Variants in RALGAPA1 observed in about 807,000 individuals in gnomAD.
RALGAPA1 encodes ral GTPase-activating protein subunit alpha-1.
In RALGAPA1, 52 loss-of-function variants were observed where a neutral mutation model predicts 269.6. The ratio of observed to expected loss-of-function variants is 0.19; its 90% CI spans 0.15 to 0.24. The LOEUF is 0.24. Among genes scored for constraint, RALGAPA1 ranks in the 10% least tolerant of loss-of-function variants. The probability of loss-of-function intolerance (pLI) is 1.00; values close to 1 mark genes in which losing one functional copy is unlikely to be tolerated. For missense variants in RALGAPA1, 1,917 were observed against 3,013.9 expected, an observed-to-expected ratio of 0.64 and a Z score of 8.52; for synonymous variants, 817 against 1,008.3, an observed-to-expected ratio of 0.81 and a Z score of 3.60.
At chr14:35,569,976 T>C (rs2057041153) in intron 39 of RALGAPA1, among the ~76,000 whole-genome samples, 1 of 151,920 alleles carries the variant, frequency 6.6e-6, no homozygotes, top group Admixed American at 6.6e-5. Flanking sequence ...TGATTAAAAG[T>C]ATATAAAAGA....
rs1801300428 is a variant in RALGAPA1, at chr14:35,742,572, A to G, written c.1252-7T>C. 6.3e-7 allele frequency: 1 copy of G among 1,585,266 alleles called. No individual in the cohort carries two copies. Among genetic ancestry groups the G allele is most frequent in the African/African-American group, 1.3e-5 (1 of 74,188 alleles). ...AAATTGGTAATAAAAATGCCTAGGG[A>G]AAAAAAGGAGAATCAAGATAATGAT... is the stretch of plus-strand genomic sequence containing the variant. On this transcript the variant is annotated splice_region_variant and splice_polypyrimidine_tract_variant and intron_variant, in intron 10 of 41. Coordinates refer to ENST00000680220, the MANE Select transcript of RALGAPA1 (RefSeq NM_001346249.2).
intron 3 of RALGAPA1, among the ~76,000 whole-genome samples, chr14:35,774,519 T>G (rs1307010165): frequency 6.6e-6 from 1 of 152,138 alleles, no homozygotes; most frequent in Non-Finnish European, 1.5e-5. Context: ...CTTTTATTTA[T>G]AAAGACTTGC....
chr14:35,736,398 T>C (rs569390365), intron 12 of RALGAPA1, among the ~76,000 whole-genome samples: 1 of 152,284 alleles, frequency 6.6e-6, no homozygotes, highest in Non-Finnish European at 1.5e-5. Flanking sequence ...CATATAAAAA[T>C]CTGAAGCTGT....
intron 6 of RALGAPA1, among the ~76,000 whole-genome samples, chr14:35,758,521 A>G (rs1358145696): frequency 6.6e-6 from 1 of 152,106 alleles, no homozygotes; most frequent in Non-Finnish European, 1.5e-5. Context: ...AAGGGGCAGA[A>G]GTCAGTCACA....
chr14:35,676,312 A>C (rs188260298), intron 22 of RALGAPA1: 41 of 152,336 alleles, frequency 2.7e-4, no homozygotes, highest in African/African-American at 9.4e-4. Flanking sequence ...CCCAGGTTTA[A>C]GTAATTTTCC....
At chr14:35,768,109 G>A (rs920759488) in intron 4 of RALGAPA1, among the ~76,000 whole-genome samples, 2 of 152,030 alleles carry the variant, frequency 1.3e-5, no homozygotes, top group African/African-American at 2.4e-5. Flanking sequence ...GTCTCATTCT[G>A]TCACCCCAAT....
chr14:35,799,331 G>A (rs2076806627), intron 1 of RALGAPA1, among the ~76,000 whole-genome samples: 1 of 152,128 alleles, frequency 6.6e-6, no homozygotes. Flanking sequence ...GGAGGCTGAG[G>A]CAGGTGGATC....
intron 1 of RALGAPA1, among the ~76,000 whole-genome samples, chr14:35,801,681 A>G (rs1019762096): frequency 1.3e-5 from 2 of 152,212 alleles, no homozygotes; most frequent in East Asian, 1.9e-4. Context: ...CAGAAAAAGC[A>G]TTCAATAAAT....
At chr14:35,626,111 G>C (rs1027636967) in intron 34 of RALGAPA1, among the ~76,000 whole-genome samples, 3 of 152,102 alleles carry the variant, frequency 2.0e-5, no homozygotes, top group Admixed American at 1.3e-4. Flanking sequence ...CTGTTCCTGA[G>C]ATATAACATT....
At chr14:35,679,632 A>T (rs1595108120) in intron 21 of RALGAPA1, among the ~76,000 whole-genome samples, 1 of 152,222 alleles carries the variant, frequency 6.6e-6, no homozygotes, top group African/African-American at 2.4e-5. Context: ...ACTGAATGAG[A>T]ATTGCTTTCA....
intron 35 of RALGAPA1, among the ~76,000 whole-genome samples, chr14:35,607,146 G>A (rs886906262): frequency 2.6e-5 from 4 of 152,136 alleles, no homozygotes; most frequent in African/African-American, 9.7e-5. Flanking sequence ...AAGTCATAGA[G>A]CAAACAGGGA....
In RALGAPA1 at chr14:35,541,883, C is replaced by G. The variant is rs1286638953; in HGVS notation, c.*24-2193G>C. ...GAAGATAGATAACAGATATGAGAGA[C>G]ACAGTGCAGAATTTTCTAGGTGTTA... On this transcript the variant is annotated intron_variant, in intron 41 of 41. Transcript: ENST00000680220. 9 of 481,628 alleles carry G rather than the reference C, an allele frequency of 1.9e-5. No homozygotes were observed. In the Admixed American group the frequency reaches 1.9e-4, roughly 10 times the overall value. 29.8% of individuals were successfully genotyped at this position (481,628 alleles called of 1,614,324 possible). A position where few individuals can be genotyped will look rare whatever the true frequency, so the allele number is the denominator to read the frequency against.
intron 35 of RALGAPA1, among the ~76,000 whole-genome samples, chr14:35,611,046 C>T (rs1040115227): frequency 3.9e-5 from 6 of 152,072 alleles, no homozygotes; most frequent in African/African-American, 1.4e-4. Flanking sequence ...GATAGCATCC[C>T]CCAAACTGAT....
chr14:35,606,587 A>G (rs945076037), intron 35 of RALGAPA1, among the ~76,000 whole-genome samples: 7 of 152,202 alleles, frequency 4.6e-5, no homozygotes, highest in Admixed American at 3.9e-4. Context: ...CCTCTCTAAA[A>G]TTAAAAATGT....
intron 29 of RALGAPA1, among the ~76,000 whole-genome samples, chr14:35,655,064 T>C (rs1032939122): frequency 3.3e-5 from 5 of 152,210 alleles, no homozygotes; most frequent in African/African-American, 1.2e-4. Context: ...CTCAGGTTTT[T>C]ATGTTTTATT....
At chr14:35,625,870 A>T (rs1475497518) in intron 34 of RALGAPA1, among the ~76,000 whole-genome samples, 1 of 152,220 alleles carries the variant, frequency 6.6e-6, no homozygotes, top group African/African-American at 2.4e-5. Context: ...TAATTTTTAG[A>T]CTACAAAGCA....
intron 1 of RALGAPA1, among the ~76,000 whole-genome samples, chr14:35,790,863 C>T (rs967194906): frequency 2.6e-5 from 4 of 152,014 alleles, no homozygotes; most frequent in South Asian, 2.1e-4. Context: ...AAAGGGTAAT[C>T]GCTTAAATGG....
chr14:35,666,857 AC>A (rs1435216644), intron 26 of RALGAPA1, among the ~76,000 whole-genome samples: 1 of 152,182 alleles, frequency 6.6e-6, no homozygotes, highest in African/African-American at 2.4e-5. Context: ...CATCTGGAAT[AC>A]CCCATTGAAC....
intron 17 of RALGAPA1, among the ~76,000 whole-genome samples, chr14:35,699,243 A>G (rs2067143161): frequency 6.6e-6 from 1 of 152,120 alleles, no homozygotes; most frequent in African/African-American, 2.4e-5. Flanking sequence ...TATTTATGCC[A>G]AAAAAATTTT....
Sources: gnomAD v4.1 joint callset for allele counts (sites outside exome capture counted in the v4.1 genomes callset) on GRCh38, gnomAD v4.1.1 for gene constraint, MANE v1.5 for transcripts, NCBI Gene and HGNC (gene_info 2026-07-23, HGNC 2026-07-21) for gene names.